Variants in BBOX1 observed in about 807,000 individuals in gnomAD.
BBOX1 encodes gamma-butyrobetaine dioxygenase.
A neutral mutation model predicts 41.6 loss-of-function variants in BBOX1; 35 were observed. That is an observed-to-expected ratio of 0.84 (90% confidence interval 0.64 to 1.11). BBOX1 has a LOEUF of 1.11. BBOX1 is among the 50% of genes most tolerant of loss of function. The probability of loss-of-function intolerance (pLI) is 0.00; values close to 1 mark genes in which losing one functional copy is unlikely to be tolerated. For missense variants in BBOX1, 458 were observed against 460.6 expected (o/e 0.99, Z 0.05); for synonymous variants, 163 against 154.7 (o/e 1.05, Z -0.40).
chr11:27,091,438 T>C (rs1858239123), intron 4 of BBOX1, among the ~76,000 whole-genome samples: 1 of 151,900 alleles, frequency 6.6e-6, no homozygotes, highest in African/African-American at 2.4e-5. Flanking sequence ...CAATAAACTG[T>C]ATCAAACCAT....
Position 27,093,172 on chromosome 11 carries a change from C to T in BBOX1, c.339C>T (p.Cys113=), listed in dbSNP as rs1162619455. The T allele has an allele frequency of 6.2e-7, 1 of 1,611,544 alleles. No homozygotes were observed. Among genetic ancestry groups the T allele is most frequent in the African/African-American group, 1.3e-5 (1 of 74,738 alleles). The part of the protein sequence containing the change: ...KLQRELFFPE[C]QYWGSELQLP... ...CTTCATTTTATCAATTCACAGAATG[C>T]CAATACTGGGGCTCAGAGCTCCAGC... is the stretch of plus-strand genomic sequence containing the variant. The change falls in exon 5 of 9, where the codon TGC becomes TGT. Residue 113 remains cysteine, a synonymous_variant. Transcript: ENST00000263182.
At chr11:27,065,251 A>G (rs1159154672) in intron 4 of BBOX1, among the ~76,000 whole-genome samples, 1 of 152,174 alleles carries the variant, frequency 6.6e-6, no homozygotes, top group East Asian at 1.9e-4. Context: ...TGACTTTCAG[A>G]GAAATATCTT....
intron 2 of BBOX1, among the ~76,000 whole-genome samples, chr11:27,051,122 G>A (rs1851657906): frequency 6.6e-6 from 1 of 152,026 alleles, no homozygotes; most frequent in African/African-American, 2.4e-5. Context: ...TTCTGCTAAT[G>A]TGTTGTCATA....
chr11:27,119,546 C>T (rs982395135), intron 6 of BBOX1, 103 bp from the exon 7 acceptor site: 10 of 679,658 alleles, frequency 1.5e-5, no homozygotes, highest in Non-Finnish European at 2.0e-6. Flanking sequence ...AAAAATGGTG[C>T]ATGTATATTA....
rs780510064 is a variant in BBOX1 at position 27,055,526 on chromosome 11, A to G, written c.96A>G (p.Val32=). The G allele has an allele frequency of 1.2e-6, 2 of 1,614,182 alleles. No individual in the cohort carries two copies. The part of the protein sequence containing the change: ...YDEEESLYPA[V]WLRDNCPCSD... ...AGGAAGAGTCTCTCTACCCAGCTGT[A>G]TGGTTGAGAGACAACTGTCCGTGCT... is the stretch of plus-strand genomic sequence containing the variant. The change falls in exon 3 of 9, where the codon GTA becomes GTG. Residue 32 remains valine, a synonymous_variant. Coordinates refer to ENST00000263182, the MANE Select transcript of BBOX1 (RefSeq NM_003986.3).
intron 4 of BBOX1, among the ~76,000 whole-genome samples, chr11:27,085,554 C>CCTCTCTCTCTCTCT (rs1564971409): frequency 1.4e-5 from 1 of 71,022 alleles, no homozygotes; most frequent in African/African-American, 6.3e-5. Flanking sequence ...CACATTCCCC[C>CCTCTCTCTCTCTCT]ATCTCTCTCT....
chr11:27,095,722 C>T (rs1057389980), intron 5 of BBOX1, among the ~76,000 whole-genome samples: 1 of 151,946 alleles, frequency 6.6e-6, no homozygotes, highest in Non-Finnish European at 1.5e-5. Context: ...ACTGACAGAA[C>T]AGTTTTGTTG....
intron 5 of BBOX1, among the ~76,000 whole-genome samples, chr11:27,096,285 CT>C (rs1324509703): frequency 4.6e-5 from 7 of 152,132 alleles, no homozygotes; most frequent in African/African-American, 1.7e-4. Context: ...ATGTCCCTCC[CT>C]TTCATATCTT....
At chr11:27,091,950 CT>C (rs1858261007) in intron 4 of BBOX1, among the ~76,000 whole-genome samples, 1 of 151,948 alleles carries the variant, frequency 6.6e-6, no homozygotes. Flanking sequence ...CATTTATAGC[CT>C]AATTAGGCTT....
At chr11:27,052,806 C>G (rs1856856646) in intron 2 of BBOX1, among the ~76,000 whole-genome samples, 1 of 152,066 alleles carries the variant, frequency 6.6e-6, no homozygotes, top group Non-Finnish European at 1.5e-5. Flanking sequence ...CTGGGGAACT[C>G]TTGACTTCTT....
chr11:27,094,008 C>T (rs1175364506), intron 5 of BBOX1, among the ~76,000 whole-genome samples: 1 of 151,930 alleles, frequency 6.6e-6, no homozygotes, highest in Non-Finnish European at 1.5e-5. Context: ...TGTTAAAGTT[C>T]ATTAAACTTT....
rs12419903 is a variant in BBOX1 at position 27,058,826 on chromosome 11, C to T, written c.334+1511C>T. Among the ~76,000 whole-genome samples, 396 of 152,116 alleles carry T rather than the reference C, an allele frequency of 2.6e-3. 11 individuals are homozygous for T. Among genetic ancestry groups the T allele is most frequent in the Admixed American group, 0.024 (369 of 15,272 alleles). Reference sequence around the variant, plus strand: ...AACAGCCTATGATCAGATACAAGAGCAAACAAATAAGTTGGAACTTTAAAA... The same window carrying T: ...AACAGCCTATGATCAGATACAAGAGTAAACAAATAAGTTGGAACTTTAAAA... On this transcript the variant is annotated intron_variant, in intron 4 of 8. Transcript: ENST00000263182.
intron 4 of BBOX1, among the ~76,000 whole-genome samples, chr11:27,088,604 T>C (rs1858127529): frequency 6.6e-6 from 1 of 152,046 alleles, no homozygotes; most frequent in South Asian, 2.1e-4. Context: ...TTCATTTTTA[T>C]CTAGTAGATT....
At chr11:27,088,569 G>T (rs1200163043) in intron 4 of BBOX1, among the ~76,000 whole-genome samples, 5 of 151,874 alleles carry the variant, frequency 3.3e-5, no homozygotes, top group Admixed American at 2.0e-4. Context: ...CAGACAAAAT[G>T]TTCCTAATTG....
chr11:27,115,504 AC>A lies in BBOX1; in HGVS notation c.587del (p.Thr196MetfsTer4), dbSNP rs1243239547. ...KIDANNVAYTTGKLSFHTDYP... is the reference protein window; with the variant it reads ...KIDANNVAYTXGKLSFHTDYP... ...CGATGCAAACAATGTGGCTTACACAACTGGGAAGCTAAGCTTTCACACTGAT... is the reference window on the plus strand; with the variant it reads ...CGATGCAAACAATGTGGCTTACACAATGGGAAGCTAAGCTTTCACACTGAT... On this transcript the variant is annotated frameshift_variant, in exon 6 of 9. Coordinates refer to ENST00000263182, the MANE Select transcript of BBOX1 (RefSeq NM_003986.3). LOFTEE classifies it high-confidence loss of function. 6.2e-7 allele frequency: 1 copy of A among 1,611,308 alleles called. No homozygotes were observed. Among genetic ancestry groups the A allele is most frequent in the African/African-American group, 1.3e-5 (1 of 74,704 alleles).
At chr11:27,052,176 A>T (rs1049156045) in intron 2 of BBOX1, among the ~76,000 whole-genome samples, 14 of 152,086 alleles carry the variant, frequency 9.2e-5, no homozygotes, top group Non-Finnish European at 1.9e-4. Context: ...ATGATATTTC[A>T]TACAATTGCA....
chr11:27,121,745 G>C (rs185075911), intron 7 of BBOX1, among the ~76,000 whole-genome samples: 9 of 152,298 alleles, frequency 5.9e-5, no homozygotes, highest in Middle Eastern at 3.4e-3. Context: ...GAGACCCTTA[G>C]TTATAATGTG....
At chr11:27,075,375 TG>T (rs1857599383) in intron 4 of BBOX1, among the ~76,000 whole-genome samples, 1 of 152,168 alleles carries the variant, frequency 6.6e-6, no homozygotes. Context: ...CATTCCCCAA[TG>T]GTATGCACAT....
intron 2 of BBOX1, among the ~76,000 whole-genome samples, chr11:27,042,600 C>T (rs905166363): frequency 3.3e-5 from 5 of 152,244 alleles, no homozygotes; most frequent in East Asian, 1.9e-4. Context: ...CCTTCTGCTC[C>T]GGCCTCCCAA....
Sources: gnomAD v4.1 joint callset for allele counts (sites outside exome capture counted in the v4.1 genomes callset) on GRCh38, gnomAD v4.1.1 for gene constraint, MANE v1.5 for transcripts, NCBI Gene and HGNC (gene_info 2026-07-23, HGNC 2026-07-21) for gene names.